The following ASPRV1 variants were observed in gnomAD, a reference collection of about 807,000 sequenced individuals.
The protein encoded by ASPRV1 is aspartic peptidase retroviral like 1, also known as retroviral-like aspartic protease 1.
Under a neutral mutation model 11.0 loss-of-function variants are expected in ASPRV1, and 7 were observed. The ratio of observed to expected loss-of-function variants is 0.64; its 90% confidence interval spans 0.36 to 1.20. The LOEUF (loss-of-function observed/expected upper bound fraction) is 1.20, where lower values mean the gene tolerates loss of function less well. ASPRV1 is among the 50% of genes most tolerant of loss of function. The pLI, the probability that ASPRV1 is intolerant of heterozygous loss-of-function variation, is 0.02. For missense variants in ASPRV1, 299 were observed against 320.0 expected (o/e 0.93, Z 0.50); for synonymous variants, 136 against 138.4 (o/e 0.98, Z 0.12).
At chr2:69,982,758 CA>C in the ASPRV1 span, among the ~76,000 whole-genome samples, 218 of 152,234 alleles carry the variant, frequency 1.4e-3, 2 homozygotes, top group African/African-American at 5.1e-3. Flanking sequence ...CTGGTCACCA[CA>C]AAACCTTAGG....
chr2:69,958,378 G>A (rs994291309), downstream of ASPRV1, among the ~76,000 whole-genome samples: 17 of 152,274 alleles, frequency 1.1e-4, 1 homozygote, highest in East Asian at 2.1e-3. Flanking sequence ...GAGACCTGGG[G>A]GCTCAGACAG....
downstream of ASPRV1, among the ~76,000 whole-genome samples, chr2:69,958,330 C>G (rs537792876): frequency 2.0e-5 from 3 of 152,086 alleles, no homozygotes; most frequent in African/African-American, 4.8e-5. Context: ...TCTCGGGGGG[C>G]CCACATTTCT....
chr2:70,078,171 T>G, the ASPRV1 span, among the ~76,000 whole-genome samples: 1 of 152,122 alleles, frequency 6.6e-6, no homozygotes, highest in Non-Finnish European at 1.5e-5. Flanking sequence ...AAAATAATAA[T>G]TAAATAAATT....
At chr2:69,986,623 T>C in the ASPRV1 span, among the ~76,000 whole-genome samples, 942 of 152,322 alleles carry the variant, frequency 6.2e-3, 10 homozygotes, top group African/African-American at 0.021. Context: ...TGGGTTCTGA[T>C]AGCAGTACCA....
chr2:69,950,014 C>A, the ASPRV1 span, among the ~76,000 whole-genome samples: 217 of 152,256 alleles, frequency 1.4e-3, 3 homozygotes, highest in Non-Finnish European at 2.5e-3. Flanking sequence ...TGGGGTTTCA[C>A]TATATTGGCC....
chr2:70,075,294 T>C, the ASPRV1 span: 1 of 128,798 alleles, frequency 7.8e-6, no homozygotes, highest in East Asian at 2.2e-4. Flanking sequence ...GTATTTTTAG[T>C]AGAGACACGG....
chr2:69,985,549 C>T, the ASPRV1 span, among the ~76,000 whole-genome samples: 1 of 152,212 alleles, frequency 6.6e-6, no homozygotes, highest in Non-Finnish European at 1.5e-5. Flanking sequence ...AACTTTTCAG[C>T]AGTTCCATCC....
chr2:69,990,496 T>C, the ASPRV1 span, among the ~76,000 whole-genome samples: 2 of 152,098 alleles, frequency 1.3e-5, no homozygotes, highest in Non-Finnish European at 1.5e-5. Context: ...TTCATTTATG[T>C]AGACAGGGTC....
At chr2:69,953,360 A>G in the ASPRV1 span, among the ~76,000 whole-genome samples, 1 of 152,220 alleles carries the variant, frequency 6.6e-6, no homozygotes, top group Admixed American at 6.5e-5. Context: ...CACTCCAAGC[A>G]AGTGGCGGGA....
the ASPRV1 span, among the ~76,000 whole-genome samples, chr2:70,065,279 TA>T: frequency 6.8e-6 from 1 of 147,766 alleles, no homozygotes; most frequent in South Asian, 2.1e-4. Context: ...TAGTCCCAGC[TA>T]CTCAGGAGGC....
the ASPRV1 span, among the ~76,000 whole-genome samples, chr2:70,058,841 C>T: frequency 2.6e-5 from 4 of 150,948 alleles, no homozygotes; most frequent in East Asian, 3.9e-4. Flanking sequence ...GCAGAAATTA[C>T]GCACCTGGCC....
chr2:70,003,900 G>A, the ASPRV1 span, among the ~76,000 whole-genome samples: 5 of 152,088 alleles, frequency 3.3e-5, no homozygotes, highest in South Asian at 2.1e-4. Context: ...CACTCTTTTC[G>A]CCTTTCCACC....
the ASPRV1 span, chr2:69,996,975 T>C: frequency 1.2e-5 from 3 of 257,300 alleles, no homozygotes; most frequent in East Asian, 2.1e-4. Context: ...GCAGGGGTTA[T>C]TGCATGAGAA....
At chr2:69,969,510 C>T in the ASPRV1 span, among the ~76,000 whole-genome samples, 2 of 152,184 alleles carry the variant, frequency 1.3e-5, no homozygotes, top group South Asian at 4.1e-4. Flanking sequence ...GACCACTCCC[C>T]TCTGTCCTTT....
At chr2:69,935,391 C>G in the ASPRV1 span, 3 of 1,613,992 alleles carry the variant, frequency 1.9e-6, no homozygotes, top group Non-Finnish European at 2.5e-6. Flanking sequence ...GTTGAAGGGG[C>G]TGGTGCCACT....
At chr2:69,944,268 T>C in the ASPRV1 span, among the ~76,000 whole-genome samples, 1 of 152,224 alleles carries the variant, frequency 6.6e-6, no homozygotes, top group African/African-American at 2.4e-5. Context: ...CCCCACAAGA[T>C]GACAAATCTT....
the ASPRV1 span, among the ~76,000 whole-genome samples, chr2:70,086,677 C>T: frequency 6.6e-6 from 1 of 152,190 alleles, no homozygotes; most frequent in Non-Finnish European, 1.5e-5. Flanking sequence ...TTTCTAATGT[C>T]GGAAAAGGGT....
the ASPRV1 span, chr2:70,077,194 T>C: frequency 1.3e-5 from 2 of 152,138 alleles, no homozygotes; most frequent in Non-Finnish European, 2.9e-5. Flanking sequence ...AAGCTGGCCA[T>C]TACTATTATT....
At chr2:70,007,488 G>A in the ASPRV1 span, among the ~76,000 whole-genome samples, 2 of 151,794 alleles carry the variant, frequency 1.3e-5, no homozygotes, top group African/African-American at 2.4e-5. Flanking sequence ...ATTGCACTCC[G>A]GCATGGGCAA....
Sources: allele counts gnomAD v4.1 joint callset (sites outside exome capture counted in the v4.1 genomes callset), GRCh38; gene constraint gnomAD v4.1.1; transcripts MANE v1.5; gene names NCBI Gene and HGNC (gene_info 2026-07-23, HGNC 2026-07-21).